CMTM8: variants seen among roughly 807,000 people sequenced by gnomAD.
The protein encoded by CMTM8 is CKLF like MARVEL transmembrane domain containing 8.
Under a neutral mutation model 18.6 loss-of-function variants are expected in CMTM8, and 12 were observed. That is an observed-to-expected ratio of 0.65 (90% CI 0.41 to 1.05). CMTM8 has a LOEUF of 1.05. Ranked by LOEUF, CMTM8 falls within the 50% of genes least tolerant of loss-of-function variation. The pLI is 0.00. For missense variants in CMTM8, 217 were observed against 227.2 expected (o/e 0.95, Z 0.29); for synonymous variants, 87 against 90.6 (o/e 0.96, Z 0.23).
rs147216754 is a variant in CMTM8 at position 32,258,546 on chromosome 3, G to A, written c.147+19427G>A. On this transcript the variant is annotated intron_variant, in intron 1 of 3. Transcript: ENST00000307526. ...GTTTTGTTTGTGATAGTCTTGCTCTGTCACCCAGGCTGGAGTGCAGTGGCA... is the reference window on the plus strand; with the variant it reads ...GTTTTGTTTGTGATAGTCTTGCTCTATCACCCAGGCTGGAGTGCAGTGGCA... Among the ~76,000 whole-genome samples the A allele has an allele frequency of 1.5e-3, 233 of 152,068 alleles. 3 individuals are homozygous for A. The highest frequency in any genetic ancestry group is 0.014 in the Admixed American group (207 of 15,280).
At chr3:32,350,891 T>C (rs1386520458) in intron 1 of CMTM8, among the ~76,000 whole-genome samples, 1 of 151,976 alleles carries the variant, frequency 6.6e-6, no homozygotes. Flanking sequence ...ACTCCTGACC[T>C]CAAGTGATCC....
intron 1 of CMTM8, chr3:32,260,275 A>C (rs986398213): frequency 8.0e-5 from 83 of 1,035,388 alleles, no homozygotes; most frequent in Non-Finnish European, 1.0e-4. Context: ...AGGCCAATAA[A>C]AAGTTCAGAG....
intron 1 of CMTM8, among the ~76,000 whole-genome samples, chr3:32,261,564 T>A (rs1250411108): frequency 6.6e-6 from 1 of 152,206 alleles, no homozygotes; most frequent in African/African-American, 2.4e-5. Context: ...TTGCTAAGAT[T>A]TATGAGTAGC....
At chr3:32,247,956 A>G (rs1454397328) in intron 1 of CMTM8, among the ~76,000 whole-genome samples, 3 of 152,214 alleles carry the variant, frequency 2.0e-5, no homozygotes, top group Admixed American at 2.0e-4. Context: ...CATTTCACAT[A>G]AATGGAATCC....
intron 1 of CMTM8, among the ~76,000 whole-genome samples, chr3:32,252,623 T>G (rs1434852782): frequency 2.0e-5 from 3 of 152,248 alleles, no homozygotes; most frequent in Non-Finnish European, 4.4e-5. Context: ...AAATGGGATT[T>G]GTCAAAAATG....
intron 1 of CMTM8, among the ~76,000 whole-genome samples, chr3:32,343,966 G>T (rs1696549019): frequency 6.6e-6 from 1 of 152,226 alleles, no homozygotes; most frequent in Admixed American, 6.5e-5. Flanking sequence ...CTCCCAAAGT[G>T]CTGGGATTAC....
intron 1 of CMTM8, among the ~76,000 whole-genome samples, chr3:32,337,218 A>C (rs368829577): frequency 6.6e-6 from 1 of 152,202 alleles, no homozygotes; most frequent in Admixed American, 6.5e-5. Flanking sequence ...TCCAACACAT[A>C]AAGTTTGGGG....
chr3:32,331,465 G>T (rs995293739), intron 1 of CMTM8, among the ~76,000 whole-genome samples: 5 of 151,484 alleles, frequency 3.3e-5, no homozygotes, highest in Admixed American at 1.3e-4. Flanking sequence ...CCCACTTCTG[G>T]GTATAGATCC....
chr3:32,333,508 T>G (rs981317091), intron 1 of CMTM8, among the ~76,000 whole-genome samples: 2 of 152,234 alleles, frequency 1.3e-5, no homozygotes, highest in African/African-American at 2.4e-5. Flanking sequence ...TGGGAAGCAC[T>G]GGGCAATGTT....
chr3:32,259,216 G>A (rs1702219185), intron 1 of CMTM8: 3 of 543,404 alleles, frequency 5.5e-6, no homozygotes, highest in East Asian at 7.8e-5. Flanking sequence ...CAGCCTGAAC[G>A]ACTGCCTGGC....
At chr3:32,360,909 A>G (rs867447883) in intron 2 of CMTM8, among the ~76,000 whole-genome samples, 3 of 152,274 alleles carry the variant, frequency 2.0e-5, no homozygotes, top group Non-Finnish European at 4.4e-5. Flanking sequence ...AATGTGGGAA[A>G]CACTGGTTTA....
chr3:32,252,102 A>T (rs545066115), intron 1 of CMTM8, among the ~76,000 whole-genome samples: 2 of 152,148 alleles, frequency 1.3e-5, no homozygotes, highest in South Asian at 2.1e-4. Context: ...CAGAAAAAAT[A>T]AAAAAAATTT....
At chr3:32,357,637 C>G in intron 2 of CMTM8, 91 bp downstream of exon 2, 1 of 1,319,766 alleles carries the variant, frequency 7.6e-7, no homozygotes, top group Non-Finnish European at 1.0e-6. Flanking sequence ...GTCTCTCTGC[C>G]CAGAAAAGGT....
At chr3:32,274,249 G>A (rs1702482385) in intron 1 of CMTM8, among the ~76,000 whole-genome samples, 1 of 151,476 alleles carries the variant, frequency 6.6e-6, no homozygotes, top group East Asian at 1.9e-4. Context: ...GGTTAAGGCT[G>A]CAGTGAGTAG....
intron 1 of CMTM8, among the ~76,000 whole-genome samples, chr3:32,337,539 G>A (rs1268387964): frequency 6.6e-6 from 1 of 152,172 alleles, no homozygotes; most frequent in Non-Finnish European, 1.5e-5. Flanking sequence ...TGTGTTCTTT[G>A]TGAGTCCTGA....
chr3:32,330,197 A>ATTTTTTT (rs57467295), intron 1 of CMTM8, among the ~76,000 whole-genome samples: 3 of 125,164 alleles, frequency 2.4e-5, no homozygotes, highest in African/African-American at 6.1e-5. Context: ...TCCCAGTGGC[A>ATTTTTTT]TTTTTTTTTT....
At position 32,259,278 on chromosome 3, in the gene CMTM8, G is replaced by A. The variant is rs1180687418; in HGVS notation, c.147+20159G>A. On this transcript the variant is annotated intron_variant, in intron 1 of 3. Transcript: ENST00000307526. ...TGGAGACCGTGAACTGGAGGCTGGAGAGCAAAATCCCCTGAAGGGACCCCA... is the reference window on the plus strand; with the variant it reads ...TGGAGACCGTGAACTGGAGGCTGGAAAGCAAAATCCCCTGAAGGGACCCCA... 7.6e-6 allele frequency: 5 copies of A among 654,040 alleles called. No individual in the cohort carries two copies. In the East Asian group the frequency reaches 1.2e-4, roughly 16 times the overall value. The allele number at this position is 654,040 out of a possible 1,614,324, so 40.5% of individuals were successfully genotyped here. A position where few individuals can be genotyped will look rare whatever the true frequency, so the allele number is the denominator to read the frequency against.
chr3:32,280,066 A>T (rs528030084), intron 1 of CMTM8, among the ~76,000 whole-genome samples: 1 of 152,160 alleles, frequency 6.6e-6, no homozygotes, highest in South Asian at 2.1e-4. Context: ...CCATAAATCT[A>T]TTGCTTCATA....
intron 1 of CMTM8, among the ~76,000 whole-genome samples, chr3:32,311,234 T>G (rs1332761196): frequency 6.6e-6 from 1 of 152,252 alleles, no homozygotes; most frequent in Non-Finnish European, 1.5e-5. Flanking sequence ...ACAAGAATAC[T>G]GTTTTGCAGT....
Sources: allele counts gnomAD v4.1 joint callset (sites outside exome capture counted in the v4.1 genomes callset), GRCh38; gene constraint gnomAD v4.1.1; transcripts MANE v1.5; gene names NCBI Gene and HGNC (gene_info 2026-07-23, HGNC 2026-07-21).